PIK3CD: variants seen among roughly 807,000 people sequenced by gnomAD.
PIK3CD encodes phosphatidylinositol-4,5-bisphosphate 3-kinase catalytic subunit delta, also known as phosphatidylinositol 4,5-bisphosphate 3-kinase catalytic subunit delta isoform.
A neutral mutation model predicts 122.9 loss-of-function variants in PIK3CD; 20 were observed. The ratio of observed to expected loss-of-function variants is 0.16; its 90% confidence interval spans 0.11 to 0.24. The LOEUF is 0.24. Among genes scored for constraint, PIK3CD ranks in the 10% least tolerant of loss-of-function variants. PIK3CD has a pLI of 1.00. For missense variants in PIK3CD, 787 were observed against 1,406.3 expected, an observed-to-expected ratio of 0.56 and a Z score of 7.04; for synonymous variants, 596 against 593.4, an observed-to-expected ratio of 1.00 and a Z score of -0.06.
Position 9,724,255 on chromosome 1 carries a change from C to G in PIK3CD, c.2719-21C>G, listed in dbSNP as rs764827653. On this transcript the variant is annotated intron_variant, in intron 21 of 23. Coordinates refer to ENST00000377346, the MANE Select transcript of PIK3CD (RefSeq NM_005026.5). The surrounding 1 kb of genome is among the most constrained non-coding windows in gnomAD (Gnocchi z 7.3). ...TGTCTGACACCTTCTCAATCCTCCCCCTCCTCTCCCCTCCCCTCAGCTGTT... is the reference window on the plus strand; with the variant it reads ...TGTCTGACACCTTCTCAATCCTCCCGCTCCTCTCCCCTCCCCTCAGCTGTT... 7.5e-5 allele frequency: 121 copies of G among 1,613,862 alleles called. No individual in the cohort carries two copies. In the Admixed American group the frequency reaches 2.0e-3, roughly 26 times the overall value.
At chr1:9,706,931 A>G (rs1646855417) in intron 2 of PIK3CD, among the ~76,000 whole-genome samples, 1 of 151,588 alleles carries the variant, frequency 6.6e-6, no homozygotes, top group Admixed American at 6.6e-5. Flanking sequence ...TCAGCTTCCA[A>G]GTAGCTGCGA....
chr1:9,724,266 C>G lies in PIK3CD; in HGVS notation c.2719-10C>G. 6.2e-7 allele frequency: 1 copy of G among 1,614,118 alleles called. No individual in the cohort carries two copies. Among genetic ancestry groups the G allele is most frequent in the Non-Finnish European group, 8.5e-7 (1 of 1,180,024 alleles). ...TTCTCAATCCTCCCCCTCCTCTCCC[C>G]TCCCCTCAGCTGTTCCACATTGATT... On this transcript the variant is annotated splice_polypyrimidine_tract_variant and intron_variant, in intron 21 of 23. Transcript: ENST00000377346. The surrounding 1 kb of genome is among the most constrained non-coding windows in gnomAD (Gnocchi z 7.3).
At chr1:9,627,444 T>C in the PIK3CD span, among the ~76,000 whole-genome samples, 6 of 152,242 alleles carry the variant, frequency 3.9e-5, no homozygotes, top group Admixed American at 3.9e-4. Context: ...TTTGAATCCC[T>C]GCGCAGCTGC....
At chr1:9,687,180 A>G (rs962654192) in intron 1 of PIK3CD, among the ~76,000 whole-genome samples, 3 of 152,144 alleles carry the variant, frequency 2.0e-5, no homozygotes, top group African/African-American at 7.2e-5. Flanking sequence ...TGCTGGAGAT[A>G]AACGGAAGTC....
rs1328093643 is a variant in PIK3CD at position 9,727,365 on chromosome 1, G to A, written c.*319G>A. The A allele has an allele frequency of 2.2e-6, 1 of 455,228 alleles. No individual in the cohort carries two copies. The highest frequency in any genetic ancestry group is 4.1e-6 in the Non-Finnish European group (1 of 244,504). 28.2% of individuals were successfully genotyped at this position (455,228 alleles called of 1,614,324 possible). A position where few individuals can be genotyped will look rare whatever the true frequency, so the allele number is the denominator to read the frequency against. On this transcript the variant is annotated 3_prime_UTR_variant, in exon 24 of 24. Coordinates refer to ENST00000377346, the MANE Select transcript of PIK3CD (RefSeq NM_005026.5). ...AGCAAAGACTGTTCTCCTCCCGAGGGAACCTTCTTCCCAGGCCTCCCGCCA... is the reference window on the plus strand; with the variant it reads ...AGCAAAGACTGTTCTCCTCCCGAGGAAACCTTCTTCCCAGGCCTCCCGCCA...
Position 9,727,294 on chromosome 1 carries a change from G to T in PIK3CD, c.*248G>T. The T allele has an allele frequency of 1.8e-6, 1 of 546,708 alleles. No individual in the cohort carries two copies. The highest frequency in any genetic ancestry group is 3.3e-6 in the Non-Finnish European group (1 of 303,820). 33.9% of individuals were successfully genotyped at this position (546,708 alleles called of 1,614,324 possible). ...CCCCCGAGGCTGCACCTGGCTCTCGGCTGAGGATTGTCACCCCAAGTCTTC... is the reference window on the plus strand; with the variant it reads ...CCCCCGAGGCTGCACCTGGCTCTCGTCTGAGGATTGTCACCCCAAGTCTTC... On this transcript the variant is annotated 3_prime_UTR_variant, in exon 24 of 24. Coordinates refer to ENST00000377346, the MANE Select transcript of PIK3CD (RefSeq NM_005026.5).
chr1:9,710,310 C>A lies in PIK3CD; in HGVS notation c.-32-114C>A. 1 of 872,062 alleles carries A rather than the reference C, an allele frequency of 1.1e-6. No homozygotes were observed. Among genetic ancestry groups the A allele is most frequent in the Non-Finnish European group, 1.9e-6 (1 of 520,546 alleles). 54.0% of individuals were successfully genotyped at this position (872,062 alleles called of 1,614,324 possible). A position where few individuals can be genotyped will look rare whatever the true frequency, so the allele number is the denominator to read the frequency against. Reference sequence around the variant, plus strand: ...GCTTTTTGTACCCGCAGGTCGGGAACTCACTCCTGAGCTTCCTGCTGTCCA... The same window carrying A: ...GCTTTTTGTACCCGCAGGTCGGGAAATCACTCCTGAGCTTCCTGCTGTCCA... On this transcript the variant is annotated intron_variant, in intron 2 of 23. Transcript: ENST00000377346. The surrounding 1 kb of genome is among the most constrained non-coding windows in gnomAD (Gnocchi z 4.7).
intron 1 of PIK3CD, among the ~76,000 whole-genome samples, chr1:9,681,813 G>T (rs1645764623): frequency 6.6e-6 from 1 of 152,228 alleles, no homozygotes; most frequent in Non-Finnish European, 1.5e-5. Context: ...ACAACGGTGA[G>T]AATCTCAGGA....
intron 2 of PIK3CD, among the ~76,000 whole-genome samples, chr1:9,694,074 C>T (rs1302349191): frequency 6.6e-6 from 1 of 152,160 alleles, no homozygotes; most frequent in Admixed American, 6.6e-5. Flanking sequence ...AAGGGTCAAG[C>T]GAGTTAGTTT....
chr1:9,666,224 G>A (rs1311886591), intron 1 of PIK3CD, among the ~76,000 whole-genome samples: 1 of 112,700 alleles, frequency 8.9e-6, no homozygotes, highest in Non-Finnish European at 1.7e-5. Flanking sequence ...CACCGCGCCC[G>A]GTCTTTTTTT....
At chr1:9,671,526 T>C (rs1032631874) in intron 1 of PIK3CD, among the ~76,000 whole-genome samples, 1 of 152,194 alleles carries the variant, frequency 6.6e-6, no homozygotes, top group African/African-American at 2.4e-5. Context: ...GTTCCTGTCA[T>C]GAGTTCTTGA....
In PIK3CD at chr1:9,718,711, G is replaced by C; in HGVS notation, c.1038G>C (p.Gly346=). Residue 346 remains glycine (G), a synonymous_variant, in exon 9 of 24, where the codon GGG becomes GGC. Transcript: ENST00000377346. The surrounding 1 kb of genome is among the most constrained non-coding windows in gnomAD (Gnocchi z 7.2). ...DERMKLVVQA[G]LFHGNEMLCK... is the part of the protein sequence containing the mutation. The stretch of plus-strand genomic sequence containing the variant: ...TTCTACAGCTGGTGGTGCAGGCCGG[G>C]CTTTTCCACGGCAACGAGATGCTGT... 1 of 1,604,938 alleles carries C rather than the reference G, an allele frequency of 6.2e-7. No homozygotes were observed. The highest frequency in any genetic ancestry group is 8.5e-7 in the Non-Finnish European group (1 of 1,179,744).
At position 9,717,117 on chromosome 1, in the gene PIK3CD, G is replaced by A. The variant is rs747866513; in HGVS notation, c.930+9G>A. 4 of 1,613,754 alleles carry A rather than the reference G, an allele frequency of 2.5e-6. No homozygotes were observed. In the Admixed American group the frequency reaches 5.0e-5, roughly 20 times the overall value. On this transcript the variant is annotated intron_variant, in intron 7 of 23. Transcript: ENST00000377346. This position sits in a 1 kb window ranked among gnomAD's most constrained non-coding sequence, Gnocchi z 5.4. ...CCATTCCTGCGAAGAAGGTGAGATG[G>A]CGCCTTCCGCCTCCCCTCTGAGCCA...
the PIK3CD span, among the ~76,000 whole-genome samples, chr1:9,634,149 G>GTTTTTT: frequency 4.3e-5 from 2 of 46,362 alleles, no homozygotes; most frequent in African/African-American, 1.4e-4. Flanking sequence ...TTTTTGGGTT[G>GTTTTTT]TTTTTTTTTT....
At position 9,699,552 on chromosome 1, in the gene PIK3CD, G is replaced by A. The variant is rs79610150; in HGVS notation, c.-33+7981G>A. Among the ~76,000 whole-genome samples the A allele has an allele frequency of 5.8e-3, 875 of 151,438 alleles. 16 individuals are homozygous for A. Among genetic ancestry groups the A allele is most frequent in the East Asian group, 0.044 (226 of 5,144 alleles). ...CTCCCAGTCACCCTCTCCCAGTCAC[G>A]CCCTTGACTTCAGGCACCTGCCTCC... On this transcript the variant is annotated intron_variant, in intron 2 of 23. Coordinates refer to ENST00000377346, the MANE Select transcript of PIK3CD (RefSeq NM_005026.5).
At chr1:9,664,333 A>G (rs1283941278) in intron 1 of PIK3CD, among the ~76,000 whole-genome samples, 1 of 151,712 alleles carries the variant, frequency 6.6e-6, no homozygotes, top group Non-Finnish European at 1.5e-5. Flanking sequence ...ACAGGCGTGA[A>G]CCACTGCACC....
At chr1:9,667,088 T>G (rs1164081885) in intron 1 of PIK3CD, among the ~76,000 whole-genome samples, 1 of 152,164 alleles carries the variant, frequency 6.6e-6, no homozygotes, top group Non-Finnish European at 1.5e-5. Context: ...GGTCTCGAAC[T>G]CCTGAGCTCA....
rs1400417581 is a variant in PIK3CD, at chr1:9,728,815, A to ATGTT, written c.*1771_*1774dup. 2.0e-5 allele frequency: 3 copies of ATGTT among 152,158 alleles called. No homozygotes were observed. Among genetic ancestry groups the ATGTT allele is most frequent in the Non-Finnish European group, 2.9e-5 (2 of 68,040 alleles). 9.4% of individuals were successfully genotyped at this position (152,158 alleles called of 1,614,324 possible). On this transcript the variant is annotated 3_prime_UTR_variant, in exon 24 of 24. Transcript: ENST00000377346. Reference sequence around the variant, plus strand: ...ATTTTCTATTTTTTTAAGTCATTTCATGTTTCTGTCTGGGGAAGGCAAGTT... The same window carrying ATGTT: ...ATTTTCTATTTTTTTAAGTCATTTCATGTTTGTTTCTGTCTGGGGAAGGCAAGTT...
the PIK3CD span, among the ~76,000 whole-genome samples, chr1:9,635,337 T>G: frequency 6.6e-6 from 1 of 151,442 alleles, no homozygotes; most frequent in African/African-American, 2.4e-5. Context: ...CTTTCTCATC[T>G]GTGTCCCTCT....
Sources: allele counts gnomAD v4.1 joint callset (sites outside exome capture counted in the v4.1 genomes callset), GRCh38; gene constraint gnomAD v4.1.1; non-coding constraint Gnocchi (gnomAD v3.1); transcripts MANE v1.5; gene names NCBI Gene and HGNC (gene_info 2026-07-23, HGNC 2026-07-21).